The following SPAG16 variants were observed in gnomAD, a reference collection of about 807,000 sequenced individuals.
SPAG16 encodes sperm-associated antigen 16 protein.
A neutral mutation model predicts 80.4 loss-of-function variants in SPAG16; 86 were observed. That is an observed-to-expected ratio of 1.07 (90% CI 0.90 to 1.28). The LOEUF (loss-of-function observed/expected upper bound fraction) is 1.28. Among genes scored for constraint, SPAG16 ranks in the 50% most tolerant of loss-of-function variants. The pLI is 0.00. For synonymous variants in SPAG16, 294 were observed against 265.9 expected (o/e 1.11, Z -1.03); for missense variants, 870 against 765.3 (o/e 1.14, Z -1.61).
chr2:214,075,999 A>G (rs939913132), intron 13 of SPAG16, among the ~76,000 whole-genome samples: 11 of 152,160 alleles, frequency 7.2e-5, no homozygotes, highest in Admixed American at 1.3e-4. Context: ...CTTATTAAGC[A>G]TATGTCTATA....
At chr2:213,879,886 G>A (rs1406789903) in intron 11 of SPAG16, among the ~76,000 whole-genome samples, 1 of 152,088 alleles carries the variant, frequency 6.6e-6, no homozygotes, top group Non-Finnish European at 1.5e-5. Flanking sequence ...ATCCACCGTT[G>A]GTGGGCATCT....
chr2:213,622,272 G>A (rs2061813560), intron 10 of SPAG16, among the ~76,000 whole-genome samples: 1 of 152,128 alleles, frequency 6.6e-6, no homozygotes, highest in Admixed American at 6.5e-5. Context: ...CCTGAGGAAA[G>A]GACCTTCAGG....
chr2:213,539,026 A>T (rs2076341492), intron 10 of SPAG16, among the ~76,000 whole-genome samples: 1 of 152,220 alleles, frequency 6.6e-6, no homozygotes, highest in Non-Finnish European at 1.5e-5. Context: ...ACTTAAAACT[A>T]TGCACATAAT....
intron 15 of SPAG16, among the ~76,000 whole-genome samples, chr2:214,187,832 AT>A (rs1183290049): frequency 5.9e-5 from 9 of 152,100 alleles, no homozygotes; most frequent in Non-Finnish European, 1.5e-5. Flanking sequence ...AGAAAAAAAA[AT>A]GTAAACAAAA....
At chr2:214,149,063 A>G (rs2372225) in intron 14 of SPAG16, 77 bp from the exon 15 acceptor site, 20,080 of 206,598 alleles carry the variant, frequency 0.097, 996 homozygotes, top group African/African-American at 0.23. Context: ...GTATATATAT[A>G]TGTGTGTGTG....
intron 15 of SPAG16, among the ~76,000 whole-genome samples, chr2:214,250,747 T>G (rs1357794515): frequency 8.8e-4 from 80 of 90,446 alleles, no homozygotes; most frequent in South Asian, 1.6e-3. Context: ...TATATATATA[T>G]ATATATATAT....
At position 214,292,142 on chromosome 2, in the gene SPAG16, G is replaced by A. The variant is rs573083487; in HGVS notation, c.1721-117998G>A. 3.9e-5 allele frequency among the ~76,000 whole-genome samples: 6 copies of A among 152,210 alleles called. No individual in the cohort carries two copies. The East Asian group carries it at 1.2e-3, about 29-fold the overall frequency. On this transcript the variant is annotated intron_variant, in intron 15 of 15. Transcript: ENST00000331683. ...TTAGTCTGATGGGAGTTCCTTTATA[G>A]GTGACAATATGTTTTTCTTGCTGTT...
At chr2:213,689,433 T>C (rs754079245) in intron 10 of SPAG16, among the ~76,000 whole-genome samples, 17 of 152,056 alleles carry the variant, frequency 1.1e-4, no homozygotes, top group Non-Finnish European at 1.5e-4. Context: ...TTCTATATTC[T>C]TTAGATTTCT....
At chr2:213,446,522 T>C (rs1027638341) in intron 9 of SPAG16, among the ~76,000 whole-genome samples, 1 of 152,006 alleles carries the variant, frequency 6.6e-6, no homozygotes, top group Non-Finnish European at 1.5e-5. Context: ...TGAATAAACA[T>C]AGGCAGACAA....
intron 13 of SPAG16, among the ~76,000 whole-genome samples, chr2:214,038,892 A>G (rs974703807): frequency 4.6e-5 from 7 of 152,204 alleles, no homozygotes; most frequent in African/African-American, 1.7e-4. Context: ...TTATGGCTGC[A>G]TAGTATTCCA....
intron 10 of SPAG16, among the ~76,000 whole-genome samples, chr2:213,742,205 TAAGAA>T (rs2067585480): frequency 6.6e-6 from 1 of 152,102 alleles, no homozygotes; most frequent in Admixed American, 6.5e-5. Context: ...ATTTTTTCCC[TAAGAA>T]TTTTGGAACT....
At chr2:213,787,751 T>C (rs2050995184) in intron 10 of SPAG16, among the ~76,000 whole-genome samples, 1 of 152,102 alleles carries the variant, frequency 6.6e-6, no homozygotes, top group South Asian at 2.1e-4. Context: ...TAGAAATTTA[T>C]ACATTGTTTT....
chr2:213,952,370 C>T (rs2079834531), intron 12 of SPAG16, among the ~76,000 whole-genome samples: 1 of 151,856 alleles, frequency 6.6e-6, no homozygotes, highest in South Asian at 2.1e-4. Flanking sequence ...TCATAAAAGA[C>T]AGTTGTAACC....
At chr2:213,497,047 T>G (rs1403601160) in intron 10 of SPAG16, among the ~76,000 whole-genome samples, 1 of 151,858 alleles carries the variant, frequency 6.6e-6, no homozygotes, top group East Asian at 1.9e-4. Context: ...TACATACAAT[T>G]GAAACACTTG....
chr2:213,759,494 T>TG (rs2068529989), intron 10 of SPAG16, among the ~76,000 whole-genome samples: 1 of 148,534 alleles, frequency 6.7e-6, no homozygotes, highest in African/African-American at 2.5e-5. Flanking sequence ...ATTGAGAGGG[T>TG]GGGGGAATGG....
intron 10 of SPAG16, among the ~76,000 whole-genome samples, chr2:213,766,862 T>A (rs2068962962): frequency 6.6e-6 from 1 of 152,186 alleles, no homozygotes; most frequent in Admixed American, 6.5e-5. Flanking sequence ...GCCTGCAGCT[T>A]CCTTTCAACA....
At chr2:214,388,200 T>C (rs926366080) in intron 15 of SPAG16, among the ~76,000 whole-genome samples, 9 of 142,138 alleles carry the variant, frequency 6.3e-5, no homozygotes, top group Non-Finnish European at 1.3e-4. Context: ...TATATTTTAT[T>C]AACAAATAAC....
At chr2:214,091,674 T>A (rs1470003206) in intron 13 of SPAG16, among the ~76,000 whole-genome samples, 3 of 152,186 alleles carry the variant, frequency 2.0e-5, no homozygotes, top group Non-Finnish European at 4.4e-5. Flanking sequence ...TTACTTAGCA[T>A]AAGTATTGGA....
chr2:214,272,684 T>C (rs1397949254), intron 15 of SPAG16, among the ~76,000 whole-genome samples: 1 of 152,232 alleles, frequency 6.6e-6, no homozygotes, highest in Non-Finnish European at 1.5e-5. Context: ...CTTAATCCAG[T>C]GTATCACTGA....
Sources: gnomAD v4.1 joint callset for allele counts (sites outside exome capture counted in the v4.1 genomes callset) on GRCh38, gnomAD v4.1.1 for gene constraint, MANE v1.5 for transcripts, NCBI Gene and HGNC (gene_info 2026-07-23, HGNC 2026-07-21) for gene names.